CCDC192: variants seen among roughly 807,000 people sequenced by gnomAD.
CCDC192 encodes the protein coiled-coil domain-containing protein 192.
intron 6 of CCDC192, among the ~76,000 whole-genome samples, chr5:127,920,470 G>A (rs1245615440): frequency 1.4e-5 from 2 of 145,992 alleles, no homozygotes; most frequent in Non-Finnish European, 3.0e-5. Flanking sequence ...GTGCAATGGT[G>A]CAATCTCGAG....
intron 5 of CCDC192, among the ~76,000 whole-genome samples, chr5:127,851,080 G>C (rs1302657934): frequency 6.6e-6 from 1 of 152,186 alleles, no homozygotes. Flanking sequence ...GGCCACCTGA[G>C]ACTAGTTCTG....
intron 5 of CCDC192, among the ~76,000 whole-genome samples, chr5:127,798,798 A>C (rs2126972461): frequency 6.6e-6 from 1 of 151,854 alleles, no homozygotes; most frequent in African/African-American, 2.4e-5. Flanking sequence ...CATATAAACC[A>C]ATCAGACTAC....
chr5:127,869,070 C>T (rs768551890), intron 5 of CCDC192, among the ~76,000 whole-genome samples: 12 of 152,246 alleles, frequency 7.9e-5, no homozygotes, highest in Non-Finnish European at 1.5e-5. Context: ...TGCCTGTAAT[C>T]GCAGCACTTT....
At chr5:127,781,424 A>G (rs1756212613) in intron 3 of CCDC192, among the ~76,000 whole-genome samples, 2 of 152,234 alleles carry the variant, frequency 1.3e-5, no homozygotes, top group South Asian at 4.1e-4. Context: ...TTTTGGCAAT[A>G]TGGTCATTTT....
rs1402387229 is a variant in CCDC192 at position 127,879,197 on chromosome 5, C to T, written c.535+3536C>T. On this transcript the variant is annotated intron_variant, in intron 6 of 6. Transcript: ENST00000514853. ...CCTGACTTCAAACTATACTACAAGG[C>T]TACAGTAACCAAAACAGCATGGTAC... 5.9e-5 allele frequency among the ~76,000 whole-genome samples: 9 copies of T among 152,022 alleles called. No individual in the cohort carries two copies. In the East Asian group the frequency reaches 1.7e-3, roughly 29 times the overall value.
chr5:127,840,340 C>G (rs1454638551), intron 5 of CCDC192, among the ~76,000 whole-genome samples: 2 of 152,168 alleles, frequency 1.3e-5, no homozygotes, highest in Non-Finnish European at 2.9e-5. Context: ...GTCAAATTAT[C>G]TCTGTATCCC....
intron 5 of CCDC192, among the ~76,000 whole-genome samples, chr5:127,843,654 T>A (rs1580739445): frequency 6.6e-6 from 1 of 152,036 alleles, no homozygotes; most frequent in Admixed American, 6.5e-5. Flanking sequence ...GCCGGGCTGG[T>A]CTCGAACTCC....
At chr5:127,893,077 A>G (rs1029235183) in intron 6 of CCDC192, among the ~76,000 whole-genome samples, 5 of 152,310 alleles carry the variant, frequency 3.3e-5, no homozygotes, top group African/African-American at 1.2e-4. Context: ...AAGCCCTAAA[A>G]TATCAGTATC....
In CCDC192 at chr5:127,906,192, C is replaced by T. The variant is rs577286363; in HGVS notation, c.535+30531C>T. Among the ~76,000 whole-genome samples, 3 of 152,280 alleles carry T rather than the reference C, an allele frequency of 2.0e-5. No homozygotes were observed. The South Asian group carries it at 6.2e-4, about 32-fold the overall frequency. ...CCCACTGAAAAATAACTGCTCTCCC[C>T]CGCCTGCAGGTAACCACCATTCTGC... is the stretch of plus-strand genomic sequence containing the variant. On this transcript the variant is annotated intron_variant, in intron 6 of 6. Transcript: ENST00000514853.
At chr5:127,866,178 T>A (rs1751604901) in intron 5 of CCDC192, among the ~76,000 whole-genome samples, 1 of 152,012 alleles carries the variant, frequency 6.6e-6, no homozygotes, top group Non-Finnish European at 1.5e-5. Flanking sequence ...GGAAAAAAAA[T>A]CTCTGCTTCA....
intron 2 of CCDC192, chr5:127,739,625 T>C (rs36138701): frequency 0.31 from 48,083 of 152,834 alleles, 8,337 homozygotes; most frequent in Middle Eastern, 0.4. Context: ...CGGGATATAA[T>C]CTCGTGATGC....
intron 1 of CCDC192, among the ~76,000 whole-genome samples, chr5:127,704,104 T>G (rs1447960181): frequency 6.6e-6 from 1 of 152,238 alleles, no homozygotes; most frequent in African/African-American, 2.4e-5. Context: ...GGTGGCCACA[T>G]CTCTGTAGCA....
At chr5:127,798,446 A>T (rs886723923) in intron 5 of CCDC192, among the ~76,000 whole-genome samples, 1 of 152,174 alleles carries the variant, frequency 6.6e-6, no homozygotes, top group Non-Finnish European at 1.5e-5. Context: ...AAAGATGAAG[A>T]AGCCAGTCTA....
intron 6 of CCDC192, among the ~76,000 whole-genome samples, chr5:127,903,672 A>G (rs536723638): frequency 2.0e-4 from 30 of 152,352 alleles, no homozygotes; most frequent in Admixed American, 1.8e-3. Context: ...TAGCCTGAGA[A>G]CAGAAAAGGG....
rs529028914 is a variant in CCDC192, at chr5:127,931,025, A to G, written c.536-10157A>G. Among the ~76,000 whole-genome samples the G allele has an allele frequency of 9.8e-5, 15 of 152,292 alleles. 1 individual carries two copies. In the South Asian group the frequency reaches 2.9e-3, roughly 29 times the overall value. On this transcript the variant is annotated intron_variant, in intron 6 of 6. Transcript: ENST00000514853. ...TGTTCTTATCAGTCTTCTTGGACAT[A>G]TGTGCTGACTCCAGCAAGCTCCAGG...
rs535788474 is a variant in CCDC192 at position 127,733,693 on chromosome 5, C to A, written c.115-20575C>A. 3.9e-4 allele frequency among the ~76,000 whole-genome samples: 60 copies of A among 152,214 alleles called. No homozygotes were observed. The South Asian group carries it at 0.012, about 31-fold the overall frequency. The stretch of plus-strand genomic sequence containing the variant: ...AAACCTGTTACTGCTGCCACCAGAC[C>A]TATAACCTGTCACTTTCCCTGAATC... On this transcript the variant is annotated intron_variant, in intron 2 of 6. Transcript: ENST00000514853.
At chr5:127,709,593 T>C (rs1470472285) in intron 2 of CCDC192, among the ~76,000 whole-genome samples, 2 of 152,224 alleles carry the variant, frequency 1.3e-5, no homozygotes, top group Non-Finnish European at 2.9e-5. Flanking sequence ...AAACTGGACA[T>C]AGCTCTCAAA....
At chr5:127,903,754 T>C (rs867344454) in intron 6 of CCDC192, among the ~76,000 whole-genome samples, 9 of 152,184 alleles carry the variant, frequency 5.9e-5, no homozygotes, top group African/African-American at 2.2e-4. Flanking sequence ...AGTCCAATTT[T>C]AGGTGACCAA....
intron 3 of CCDC192, among the ~76,000 whole-genome samples, chr5:127,775,149 C>A (rs2126919565): frequency 6.6e-6 from 1 of 152,258 alleles, no homozygotes; most frequent in African/African-American, 2.4e-5. Context: ...CCCTCCCTCC[C>A]AGGGCTAGCC....
Sources: allele counts gnomAD v4.1 joint callset (sites outside exome capture counted in the v4.1 genomes callset), GRCh38; gene constraint gnomAD v4.1.1; transcripts MANE v1.5; gene names NCBI Gene and HGNC (gene_info 2026-07-23, HGNC 2026-07-21).